SORCS1: variants seen among roughly 807,000 people sequenced by gnomAD.
SORCS1 encodes VPS10 domain-containing receptor SorCS1.
A neutral mutation model predicts 146.1 loss-of-function variants in SORCS1; 60 were observed. That is an observed-to-expected ratio of 0.41 (90% CI 0.33 to 0.51). The LOEUF (loss-of-function observed/expected upper bound fraction) is 0.51. SORCS1 is among the 20% of genes least tolerant of loss of function. SORCS1 has a pLI of 0.21. For synonymous variants in SORCS1, 637 were observed against 584.0 expected, an observed-to-expected ratio of 1.09 and a Z score of -1.31; for missense variants, 1,352 against 1,487.6, an observed-to-expected ratio of 0.91 and a Z score of 1.50.
intron 1 of SORCS1, among the ~76,000 whole-genome samples, chr10:107,037,559 A>G (rs1958956544): frequency 6.6e-6 from 1 of 152,266 alleles, no homozygotes; most frequent in Non-Finnish European, 1.5e-5. Context: ...GAAACCCAGC[A>G]TCTTTCTCAT....
rs995408447 is a variant in SORCS1, at chr10:106,840,816, T to A, written c.627-11143A>T. Among the ~76,000 whole-genome samples, 4 of 149,046 alleles carry A rather than the reference T, an allele frequency of 2.7e-5. No individual in the cohort carries two copies. In the East Asian group the frequency reaches 7.8e-4, roughly 29 times the overall value. On this transcript the variant is annotated intron_variant, in intron 2 of 25. Transcript: ENST00000263054. ...GATTATAATTCACTGAAGGCTCAGA[T>A]AATAATTCACATTTTTTAGTTATAT...
At chr10:106,718,962 AC>A (rs1210265019) in intron 6 of SORCS1, among the ~76,000 whole-genome samples, 2 of 152,072 alleles carry the variant, frequency 1.3e-5, no homozygotes, top group African/African-American at 2.4e-5. Flanking sequence ...GCGTTTACAA[AC>A]CTTTAGCTAG....
In SORCS1 at chr10:106,578,901, T is replaced by C. The variant is rs1447837594; in HGVS notation, c.3371+468A>G. ...AAACTAATGAGAGAAAAAAACTAGATAGAAGCAAGAGGTTTGTTTGTTTTT... is the reference window on the plus strand; with the variant it reads ...AAACTAATGAGAGAAAAAAACTAGACAGAAGCAAGAGGTTTGTTTGTTTTT... On this transcript the variant is annotated intron_variant, in intron 25 of 25. Transcript: ENST00000263054. 11 of 1,416,972 alleles carry C rather than the reference T, an allele frequency of 7.8e-6. No individual in the cohort carries two copies. In the Admixed American group the frequency reaches 8.9e-5, roughly 11 times the overall value. The allele number at this position is 1,416,972 out of a possible 1,614,324, so 87.8% of individuals were successfully genotyped here.
chr10:106,706,452 T>C, intron 8 of SORCS1, 93 bp downstream of exon 8: 1 of 1,212,186 alleles, frequency 8.2e-7, no homozygotes, highest in Admixed American at 1.8e-5. Context: ...AACATGACTA[T>C]GAGAGGCTGA....
At chr10:106,884,295 A>G (rs1312479764) in intron 2 of SORCS1, among the ~76,000 whole-genome samples, 1 of 152,128 alleles carries the variant, frequency 6.6e-6, no homozygotes, top group Non-Finnish European at 1.5e-5. Flanking sequence ...CTTCCTCTCA[A>G]ATAGAGTGCT....
intron 18 of SORCS1, among the ~76,000 whole-genome samples, chr10:106,637,544 A>G (rs1202929568): frequency 1.3e-5 from 2 of 152,222 alleles, no homozygotes; most frequent in African/African-American, 4.8e-5. Flanking sequence ...AGCAAAACCT[A>G]CAGTGAACTT....
intron 2 of SORCS1, among the ~76,000 whole-genome samples, chr10:106,858,072 GC>G (rs1234826719): frequency 6.6e-6 from 1 of 152,162 alleles, no homozygotes; most frequent in African/African-American, 2.4e-5. Flanking sequence ...TGCAGAATTA[GC>G]TAAGGGGATT....
intron 2 of SORCS1, among the ~76,000 whole-genome samples, chr10:106,924,415 T>C (rs995534390): frequency 2.0e-5 from 3 of 152,172 alleles, no homozygotes; most frequent in African/African-American, 7.2e-5. Flanking sequence ...AATTAAAACA[T>C]GCAAATAAAA....
rs558827685 is a variant in SORCS1, at chr10:106,863,606, A to G, written c.627-33933T>C. 2.9e-5 allele frequency among the ~76,000 whole-genome samples: 4 copies of G among 136,498 alleles called. No individual in the cohort carries two copies. The East Asian group carries it at 8.3e-4, about 28-fold the overall frequency. 89.5% of individuals were successfully genotyped at this position (136,498 alleles called of 152,430 possible). A position where few individuals can be genotyped will look rare whatever the true frequency, so the allele number is the denominator to read the frequency against. ...GAGATGATTTTTTTTTTTTTTTGCC[A>G]AGATCCCCTTCAGTCACTGATCTCT... On this transcript the variant is annotated intron_variant, in intron 2 of 25. Transcript: ENST00000263054.
At position 106,828,441 on chromosome 10, in the gene SORCS1, A is replaced by C. The variant is rs142710555; in HGVS notation, c.726+1133T>G. Among the ~76,000 whole-genome samples the C allele has an allele frequency of 6.2e-3, 945 of 152,272 alleles. 8 individuals are homozygous for C. The highest frequency in any genetic ancestry group is 0.022 in the African/African-American group (910 of 41,558). On this transcript the variant is annotated intron_variant, in intron 3 of 25. Coordinates refer to ENST00000263054, the MANE Select transcript of SORCS1 (RefSeq NM_052918.5). Reference sequence around the variant, plus strand: ...GCACGTTTGGGGACCACTTTTGACAAGCAGCCAGAATTGAGAGTGATTGCT... The same window carrying C: ...GCACGTTTGGGGACCACTTTTGACACGCAGCCAGAATTGAGAGTGATTGCT...
At chr10:107,034,356 C>G (rs1310049857) in intron 1 of SORCS1, among the ~76,000 whole-genome samples, 1 of 151,872 alleles carries the variant, frequency 6.6e-6, no homozygotes, top group East Asian at 1.9e-4. Context: ...GCGCTTTCCA[C>G]CTTTCTTTCC....
intron 3 of SORCS1, among the ~76,000 whole-genome samples, chr10:106,794,431 T>C (rs1452747332): frequency 6.6e-6 from 1 of 152,104 alleles, no homozygotes; most frequent in Non-Finnish European, 1.5e-5. Flanking sequence ...AGAGAGCACA[T>C]TAAACACTGG....
chr10:107,105,007 T>C (rs1965206233), intron 1 of SORCS1, among the ~76,000 whole-genome samples: 1 of 152,252 alleles, frequency 6.6e-6, no homozygotes, highest in Admixed American at 6.5e-5. Flanking sequence ...CCAGAAAGTC[T>C]AATTTTATTT....
intron 9 of SORCS1, among the ~76,000 whole-genome samples, chr10:106,697,416 A>G (rs1368915870): frequency 6.6e-6 from 1 of 151,702 alleles, no homozygotes; most frequent in Non-Finnish European, 1.5e-5. Context: ...AGATCACGCC[A>G]CTGCACTCCA....
At chr10:107,085,612 G>A (rs147231473) in intron 1 of SORCS1, among the ~76,000 whole-genome samples, 7 of 152,284 alleles carry the variant, frequency 4.6e-5, no homozygotes, top group Non-Finnish European at 8.8e-5. Context: ...AAAATGCCAA[G>A]GGCAGTTTTG....
At chr10:107,142,297 G>A (rs1336179882) in intron 1 of SORCS1, among the ~76,000 whole-genome samples, 1 of 152,182 alleles carries the variant, frequency 6.6e-6, no homozygotes, top group Non-Finnish European at 1.5e-5. Flanking sequence ...ACGCCAGCTT[G>A]TGGTGGGGAG....
chr10:106,637,743 T>C (rs1054747132), intron 18 of SORCS1, among the ~76,000 whole-genome samples: 3 of 152,294 alleles, frequency 2.0e-5, no homozygotes, highest in Non-Finnish European at 4.4e-5. Flanking sequence ...AGATGGCTGT[T>C]TTTTCAGGCC....
chr10:107,090,176 G>C (rs1208067928), intron 1 of SORCS1, among the ~76,000 whole-genome samples: 4 of 152,154 alleles, frequency 2.6e-5, no homozygotes, highest in East Asian at 1.9e-4. Flanking sequence ...CCTTGTACAG[G>C]GGGCAGGAAC....
intron 3 of SORCS1, among the ~76,000 whole-genome samples, chr10:106,784,390 G>A (rs1230876510): frequency 8.0e-6 from 1 of 125,642 alleles, no homozygotes; most frequent in Non-Finnish European, 1.7e-5. Flanking sequence ...GGGAGACTCC[G>A]TCAAAAAAAA....
Sources: gnomAD v4.1 joint callset for allele counts (sites outside exome capture counted in the v4.1 genomes callset) on GRCh38, gnomAD v4.1.1 for gene constraint, MANE v1.5 for transcripts, NCBI Gene and HGNC (gene_info 2026-07-23, HGNC 2026-07-21) for gene names.